The following VPS26A variants were observed in gnomAD, a reference collection of about 807,000 sequenced individuals.
VPS26A encodes the protein vacuolar protein sorting-associated protein 26A.
A neutral mutation model predicts 42.4 loss-of-function variants in VPS26A; 22 were observed. That is an observed-to-expected ratio of 0.52 (90% confidence interval 0.37 to 0.74). The LOEUF is 0.74. Among genes scored for constraint, VPS26A ranks in the 30% least tolerant of loss-of-function variants. The probability of loss-of-function intolerance (pLI) is 0.00; values close to 1 mark genes in which losing one functional copy is unlikely to be tolerated. For synonymous variants in VPS26A, 110 were observed against 123.5 expected (o/e 0.89, Z 0.73); for missense variants, 276 against 379.2 (o/e 0.73, Z 2.26).
At chr10:69,158,342 C>A in intron 5 of VPS26A, 131 bp downstream of exon 5, 1 of 788,216 alleles carries the variant, frequency 1.3e-6, no homozygotes, top group Non-Finnish European at 1.8e-6. Context: ...GATCTCTGAG[C>A]TAAAAGAAAT....
intron 5 of VPS26A, among the ~76,000 whole-genome samples, chr10:69,160,458 T>C (rs1293366414): frequency 1.3e-5 from 2 of 148,816 alleles, no homozygotes; most frequent in Non-Finnish European, 3.0e-5. Context: ...GCGCCCAACA[T>C]ATTTTTTTTT....
rs181224346 is a variant in VPS26A, at chr10:69,150,587, C to T, written c.154-5225C>T. Among the ~76,000 whole-genome samples, 1,054 of 151,046 alleles carry T rather than the reference C, an allele frequency of 7.0e-3. 10 individuals are homozygous for T. The highest frequency in any genetic ancestry group is 0.024 in the African/African-American group (997 of 41,148). On this transcript the variant is annotated intron_variant, in intron 2 of 8. Coordinates refer to ENST00000263559, the MANE Select transcript of VPS26A (RefSeq NM_004896.5). ...TAATTTTTTGTATTTTTAGTAGAGA[C>T]GGGGTTTCACCATGTTACCCAGGAT...
In VPS26A at chr10:69,157,001, T is replaced by C. The variant is rs1841443085; in HGVS notation, c.230-6T>C. On this transcript the variant is annotated splice_region_variant and splice_polypyrimidine_tract_variant and intron_variant, in intron 3 of 8. Coordinates refer to ENST00000263559, the MANE Select transcript of VPS26A (RefSeq NM_004896.5). ...ATTGGTCTTTTTGCCTTTTAAAATT[T>C]CTCAGAACTTTTCAATGACAAGAGT... 7 of 1,585,932 alleles carry C rather than the reference T, an allele frequency of 4.4e-6. No homozygotes were observed. In the East Asian group the frequency reaches 1.6e-4, roughly 36 times the overall value.
At position 69,165,687 on chromosome 10, in the gene VPS26A, G is replaced by A. The variant is rs112237619; in HGVS notation, c.659-355G>A. Among the ~76,000 whole-genome samples the A allele has an allele frequency of 3.8e-4, 58 of 152,164 alleles. 3 individuals carry two copies. The highest frequency in any genetic ancestry group is 1.3e-3 in the African/African-American group (55 of 41,510). On this transcript the variant is annotated intron_variant, in intron 6 of 8. Coordinates refer to ENST00000263559, the MANE Select transcript of VPS26A (RefSeq NM_004896.5). ...TAGCCAGGCATGATAGTGCACGCCTGTAGTCCCAACTACTCTGGAGGCTTA... is the reference window on the plus strand; with the variant it reads ...TAGCCAGGCATGATAGTGCACGCCTATAGTCCCAACTACTCTGGAGGCTTA...
At chr10:69,136,367 T>G (rs2132194208) in intron 2 of VPS26A, among the ~76,000 whole-genome samples, 1 of 151,744 alleles carries the variant, frequency 6.6e-6, no homozygotes, top group South Asian at 2.1e-4. Context: ...TGGGTCCAAG[T>G]GATTCTCCTG....
chr10:69,170,730 G>GAGCAATCCA (rs1345689142), intron 8 of VPS26A, among the ~76,000 whole-genome samples: 11 of 152,214 alleles, frequency 7.2e-5, no homozygotes, highest in African/African-American at 2.4e-4. Flanking sequence ...AACTACTAAA[G>GAGCAATCCA]AGCAATCCAA....
chr10:69,136,099 G>T (rs1361461469), intron 2 of VPS26A, among the ~76,000 whole-genome samples: 1 of 152,100 alleles, frequency 6.6e-6, no homozygotes, highest in African/African-American at 2.4e-5. Flanking sequence ...AGAGTTCTCT[G>T]TGTTTGTGTA....
At chr10:69,129,179 T>C (rs974029330) in intron 1 of VPS26A, among the ~76,000 whole-genome samples, 2 of 152,154 alleles carry the variant, frequency 1.3e-5, no homozygotes, top group Non-Finnish European at 2.9e-5. Context: ...AGACTGCTAC[T>C]TGAAGATGTT....
In VPS26A at chr10:69,171,580, G is replaced by A. The variant is rs1376922564; in HGVS notation, c.*311G>A. ...GCGTAAACATGAAAAATTTTCATGT[G>A]AGTAGGCTGGTATTTGTAATTTTGC... On this transcript the variant is annotated 3_prime_UTR_variant, in exon 9 of 9. Coordinates refer to ENST00000263559, the MANE Select transcript of VPS26A (RefSeq NM_004896.5). 1 of 187,382 alleles carries A rather than the reference G, an allele frequency of 5.3e-6. No individual in the cohort carries two copies. The highest frequency in any genetic ancestry group is 2.4e-5 in the African/African-American group (1 of 42,152). 11.6% of individuals were successfully genotyped at this position (187,382 alleles called of 1,614,324 possible).
chr10:69,144,585 C>T (rs1841114474), intron 2 of VPS26A, among the ~76,000 whole-genome samples: 1 of 152,228 alleles, frequency 6.6e-6, no homozygotes, highest in African/African-American at 2.4e-5. Context: ...TTTAAGGTTT[C>T]TCCATATATC....
intron 5 of VPS26A, among the ~76,000 whole-genome samples, chr10:69,160,658 G>A (rs899392371): frequency 1.3e-5 from 2 of 151,970 alleles, no homozygotes; most frequent in African/African-American, 4.8e-5. Context: ...CACCATGTTG[G>A]CTAGGCTGGT....
chr10:69,168,562 A>G lies in VPS26A; in HGVS notation c.801A>G (p.Lys267=). The part of the protein sequence containing the change: ...PTPTMRDVNK[K]FSVRYFLNLV... ...CAACAATGAGAGATGTGAACAAAAA[A>G]TTTTCAGTAAGGTACTTTTTGAATT... The change falls in exon 8 of 9, where the codon AAA becomes AAG. Residue 267 remains lysine (K), a synonymous_variant. Transcript: ENST00000263559. 6.2e-7 allele frequency: 1 copy of G among 1,614,162 alleles called. No individual in the cohort carries two copies.
intron 7 of VPS26A, among the ~76,000 whole-genome samples, 187 bp downstream of exon 7, chr10:69,166,297 G>C (rs984633738): frequency 1.6e-4 from 25 of 152,126 alleles, no homozygotes; most frequent in African/African-American, 5.8e-4. Flanking sequence ...CTGAAATAAG[G>C]TTTAATTTTT....
At chr10:69,149,750 T>TGAGATGGAG (rs1841254889) in intron 2 of VPS26A, among the ~76,000 whole-genome samples, 1 of 84,088 alleles carries the variant, frequency 1.2e-5, no homozygotes, top group Non-Finnish European at 2.9e-5. Context: ...TTTTTTTTTT[T>TGAGATGGAG]TTTTTTTTTT....
chr10:69,140,421 G>A (rs866483272), intron 2 of VPS26A, among the ~76,000 whole-genome samples: 5 of 152,024 alleles, frequency 3.3e-5, no homozygotes, highest in South Asian at 2.1e-4. Context: ...CACCCATGTT[G>A]GAGTGCAGTG....
intron 3 of VPS26A, among the ~76,000 whole-genome samples, chr10:69,156,334 A>C (rs1332432887): frequency 6.6e-6 from 1 of 152,018 alleles, no homozygotes; most frequent in Non-Finnish European, 1.5e-5. Context: ...TTCTTGACTT[A>C]GATCAACTTA....
At chr10:69,164,420 G>A (rs1167032793) in intron 6 of VPS26A, among the ~76,000 whole-genome samples, 5 of 151,958 alleles carry the variant, frequency 3.3e-5, no homozygotes, top group African/African-American at 9.7e-5. Flanking sequence ...GTGTCACTAC[G>A]TTGCCCAGGC....
intron 2 of VPS26A, among the ~76,000 whole-genome samples, chr10:69,151,282 A>AAAACAAAAAAAAAC (rs71035063): frequency 7.3e-6 from 1 of 136,776 alleles, no homozygotes; most frequent in African/African-American, 3.3e-5. Flanking sequence ...AAAAAAAAAA[A>AAAACAAAAAAAAAC]ACACACACAC....
chr10:69,131,173 C>T (rs10762259), intron 1 of VPS26A, among the ~76,000 whole-genome samples: 114,672 of 151,914 alleles, frequency 0.75, 45,310 homozygotes, highest in Non-Finnish European at 0.89. Flanking sequence ...AAAGACGGGG[C>T]TTCACCATGT....
Sources: allele counts gnomAD v4.1 joint callset (sites outside exome capture counted in the v4.1 genomes callset), GRCh38; gene constraint gnomAD v4.1.1; transcripts MANE v1.5; gene names NCBI Gene and HGNC (gene_info 2026-07-23, HGNC 2026-07-21).